The following N4BP2L1 variants were observed in gnomAD, a reference collection of about 807,000 sequenced individuals.
N4BP2L1 encodes the protein NEDD4-binding protein 2-like 1.
N4BP2L1 carries 12 observed loss-of-function variants against 21.2 expected under a neutral mutation model. That is an observed-to-expected ratio of 0.57 (90% CI 0.36 to 0.92). The LOEUF (loss-of-function observed/expected upper bound fraction) is 0.92, where lower values mean the gene tolerates loss of function less well. Ranked by LOEUF, N4BP2L1 falls within the 40% of genes least tolerant of loss-of-function variation. The pLI, the probability that N4BP2L1 is intolerant of heterozygous loss-of-function variation, is 0.01. For synonymous variants in N4BP2L1, 104 were observed against 112.8 expected (o/e 0.92, Z 0.49); for missense variants, 259 against 310.6 (o/e 0.83, Z 1.25).
At chr13:32,427,741 C>A (rs1247397686) in intron 1 of N4BP2L1, among the ~76,000 whole-genome samples, 163 bp downstream of exon 1, 1 of 151,664 alleles carries the variant, frequency 6.6e-6, no homozygotes, top group Admixed American at 6.6e-5. Flanking sequence ...GCTCCCCGCG[C>A]TGCCAGGCTC....
chr13:32,420,561 C>T (rs182607754), intron 1 of N4BP2L1: 1 of 152,198 alleles, frequency 6.6e-6, no homozygotes, highest in Non-Finnish European at 1.5e-5. Context: ...GGAGCCGGCA[C>T]ATCAAACATT....
At chr13:32,413,006 C>T (rs1449795535) in intron 1 of N4BP2L1, among the ~76,000 whole-genome samples, 3 of 152,190 alleles carry the variant, frequency 2.0e-5, no homozygotes, top group African/African-American at 7.2e-5. Flanking sequence ...TCACTGCAAC[C>T]TCCACCTCCC....
chr13:32,405,339 GT>G (rs759861406), intron 3 of N4BP2L1, among the ~76,000 whole-genome samples: 3 of 152,100 alleles, frequency 2.0e-5, no homozygotes, highest in Non-Finnish European at 4.4e-5. Flanking sequence ...GCAAATCCCC[GT>G]CTCTACTAAA....
rs373781382 is a variant in N4BP2L1 at position 32,403,044 on chromosome 13, T to C, written c.630A>G (p.Arg210=). 9.3e-6 allele frequency: 15 copies of C among 1,614,028 alleles called. No individual in the cohort carries two copies. The African/African-American group carries it at 1.3e-4, about 14-fold the overall frequency. ...GAAACTCTGTGTAGGAATTCCAGTA[T>C]CTGGCATTGTTGGAAGGCAATGCAT... ...RNNALPSNNA[R]YWNSYTEFPN... Residue 210 remains arginine (R), a synonymous_variant, in exon 5 of 5, where the codon AGA becomes AGG. Transcript: ENST00000380130.
intron 4 of N4BP2L1, chr13:32,403,836 CATT>C (rs2073304763): frequency 2.1e-6 from 1 of 479,646 alleles, no homozygotes; most frequent in East Asian, 5.9e-5. Context: ...AAGTCAATGA[CATT>C]ATCAAATAAT....
intron 1 of N4BP2L1, among the ~76,000 whole-genome samples, chr13:32,422,458 A>G (rs1162884290): frequency 6.6e-6 from 1 of 152,206 alleles, no homozygotes; most frequent in African/African-American, 2.4e-5. Flanking sequence ...GAGTTCCTAT[A>G]CATCTCCTGA....
chr13:32,428,934 C>A (rs142779532), upstream of N4BP2L1, among the ~76,000 whole-genome samples: 2 of 152,362 alleles, frequency 1.3e-5, no homozygotes, highest in Non-Finnish European at 2.9e-5. Flanking sequence ...TTGATCACCA[C>A]AGTGACTCTC....
intron 1 of N4BP2L1, chr13:32,425,740 TA>T (rs746223685): frequency 5.3e-5 from 8 of 152,072 alleles, no homozygotes; most frequent in Non-Finnish European, 7.4e-5. Context: ...ACATAGCCAT[TA>T]TTAGCAAACT....
chr13:32,429,014 G>A (rs1393031596), upstream of N4BP2L1, among the ~76,000 whole-genome samples: 1 of 152,198 alleles, frequency 6.6e-6, no homozygotes, highest in Non-Finnish European at 1.5e-5. Flanking sequence ...ATGCCTGCCT[G>A]AAAGAAACAA....
At chr13:32,426,797 C>A (rs2074791914) in intron 1 of N4BP2L1, among the ~76,000 whole-genome samples, 1 of 152,134 alleles carries the variant, frequency 6.6e-6, no homozygotes, top group Non-Finnish European at 1.5e-5. Context: ...ATGGCTCCTA[C>A]CTTCAAGAAA....
At chr13:32,419,633 T>C (rs990605664) in intron 1 of N4BP2L1, among the ~76,000 whole-genome samples, 13 of 152,030 alleles carry the variant, frequency 8.6e-5, no homozygotes, top group Admixed American at 6.5e-4. Context: ...CCTGCCGCCA[T>C]GTGAAGAAGG....
intron 3 of N4BP2L1, 22 bp downstream of exon 3, chr13:32,407,228 T>G: frequency 6.2e-7 from 1 of 1,609,806 alleles, no homozygotes; most frequent in Non-Finnish European, 8.5e-7. Flanking sequence ...AACTGAAAAT[T>G]CAGAATGATA....
chr13:32,426,467 T>C (rs2074770066), intron 1 of N4BP2L1, among the ~76,000 whole-genome samples: 1 of 152,096 alleles, frequency 6.6e-6, no homozygotes. Context: ...GTGTCCCTGG[T>C]TTAGGAAAGG....
chr13:32,415,696 CAT>C (rs2074098437), intron 1 of N4BP2L1, among the ~76,000 whole-genome samples: 1 of 152,082 alleles, frequency 6.6e-6, no homozygotes, highest in African/African-American at 2.4e-5. Context: ...TCTTTTATAT[CAT>C]AGAGAGGAAT....
rs1337675820 is a variant in N4BP2L1 at position 32,402,835 on chromosome 13, A to G, written c.*107T>C. On this transcript the variant is annotated 3_prime_UTR_variant, in exon 5 of 5. Transcript: ENST00000380130. ...ACTTTGCTCAGAAACTTTTGAGTTC[A>G]GCTATTTACACTGGAATTGGAGCTC... 1 of 1,462,604 alleles carries G rather than the reference A, an allele frequency of 6.8e-7. No homozygotes were observed. The highest frequency in any genetic ancestry group is 2.4e-5 in the East Asian group (1 of 42,226). The allele number at this position is 1,462,604 out of a possible 1,614,324, so 90.6% of individuals were successfully genotyped here. A position where few individuals can be genotyped will look rare whatever the true frequency, so the allele number is the denominator to read the frequency against.
At chr13:32,426,581 C>A (rs2138021119) in intron 1 of N4BP2L1, among the ~76,000 whole-genome samples, 1 of 152,320 alleles carries the variant, frequency 6.6e-6, no homozygotes. Context: ...GAGCACCTCC[C>A]CAGGCTGTCC....
intron 1 of N4BP2L1, among the ~76,000 whole-genome samples, chr13:32,414,736 A>G (rs2074034485): frequency 6.6e-6 from 1 of 152,192 alleles, no homozygotes. Flanking sequence ...TAAATCATTT[A>G]CTTTTACTTG....
At chr13:32,413,717 C>CA (rs2137845539) in intron 1 of N4BP2L1, among the ~76,000 whole-genome samples, 1 of 151,870 alleles carries the variant, frequency 6.6e-6, no homozygotes, top group Non-Finnish European at 1.5e-5. Flanking sequence ...AAAAAAAGTG[C>CA]AAAAAAGGAG....
At position 32,403,013 on chromosome 13, in the gene N4BP2L1, G is replaced by A. The variant is rs750617706; in HGVS notation, c.661C>T (p.Arg221Trp). 7.4e-6 allele frequency: 12 copies of A among 1,613,940 alleles called. No individual in the cohort carries two copies. The highest frequency in any genetic ancestry group is 6.7e-5 in the African/African-American group (5 of 74,896). ...TTTGTAAATCCACCGTGGGCCCTCC[G>A]GTTTGGAAACTCTGTGTAGGAATTC... is the stretch of plus-strand genomic sequence containing the variant. Reference protein sequence around the residue: ...YWNSYTEFPNRRAHGGFTNES... With the variant: ...YWNSYTEFPNWRAHGGFTNES... Residue 221 changes from arginine to tryptophan, a missense_variant, in exon 5 of 5, where the codon CGG becomes TGG. By Grantham distance (101) the Arg-to-Trp change is moderately radical. This residue lies in a region of N4BP2L1 where 108 missense variants were observed against 107.8 expected (regional missense o/e 1.00). Transcript: ENST00000380130.
Sources: allele counts gnomAD v4.1 joint callset (sites outside exome capture counted in the v4.1 genomes callset), GRCh38; gene constraint gnomAD v4.1.1; regional missense constraint gnomAD v4.1.1; transcripts MANE v1.5; gene names NCBI Gene and HGNC (gene_info 2026-07-23, HGNC 2026-07-21).